CTBP2: variants seen among roughly 807,000 people sequenced by gnomAD.
CTBP2 encodes the protein C-terminal-binding protein 2.
A neutral mutation model predicts 80.3 loss-of-function variants in CTBP2; 30 were observed. That is an observed-to-expected ratio of 0.37 (90% confidence interval 0.28 to 0.51). The LOEUF is 0.51. Ranked by LOEUF, CTBP2 falls within the 20% of genes least tolerant of loss-of-function variation. The pLI is 0.93. For synonymous variants in CTBP2, 594 were observed against 587.4 expected (o/e 1.01, Z -0.16); for missense variants, 1,212 against 1,375.3 (o/e 0.88, Z 1.88).
chr10:125,027,489 A>T lies in CTBP2; in HGVS notation c.271T>A (p.Phe91Ile), dbSNP rs1293564700. 1 of 1,614,044 alleles carries T rather than the reference A, an allele frequency of 6.2e-7. No homozygotes were observed. Among genetic ancestry groups the T allele is most frequent in the Non-Finnish European group, 8.5e-7 (1 of 1,180,040 alleles). Reference sequence around the variant, plus strand: ...ATCACTGCCTGTCTGCTGTCGTAGAAGGTGAAGTCAGGAGTAGACCCCTTT... The same window carrying T: ...ATCACTGCCTGTCTGCTGTCGTAGATGGTGAAGTCAGGAGTAGACCCCTTT... Residue 91 changes from phenylalanine to isoleucine, a missense_variant, in exon 1 of 9, where the codon TTC (phenylalanine) becomes ATC (isoleucine). Physicochemically the swap from Phe to Ile is conservative, Grantham distance 21. Coordinates refer to ENST00000309035, the MANE Select transcript of CTBP2 (RefSeq NM_022802.3).
intron 1 of CTBP2, among the ~76,000 whole-genome samples, chr10:125,155,936 T>TA (rs1364053677): frequency 6.6e-6 from 1 of 151,976 alleles, no homozygotes; most frequent in African/African-American, 2.4e-5. Context: ...ATGTGCCCAC[T>TA]AAAAGTTTTC....
rs763405538 is a variant in CTBP2, at chr10:124,998,150, G to C, written c.1999C>G (p.Pro667Ala). 1 of 1,608,842 alleles carries C rather than the reference G, an allele frequency of 6.2e-7. No homozygotes were observed. Among genetic ancestry groups the C allele is most frequent in the South Asian group, 1.1e-5 (1 of 89,978 alleles). ...GCTGTCTCTTCCACGGCTGCAGACG[G>C]GATGTTGCACACGGCAATTCCTGAA... The change falls in exon 4 of 9, where the codon CCG becomes GCG. Residue 667 changes from proline to alanine, a missense_variant. Coordinates refer to ENST00000309035, the MANE Select transcript of CTBP2 (RefSeq NM_022802.3).
At chr10:125,089,643 G>A (rs967338047) in intron 2 of CTBP2, among the ~76,000 whole-genome samples, 8 of 152,196 alleles carry the variant, frequency 5.3e-5, no homozygotes, top group Admixed American at 1.3e-4. Context: ...ATGTGCAGGC[G>A]AGAGCAGCTG....
chr10:125,034,099 C>T (rs1958571273), intron 3 of CTBP2, among the ~76,000 whole-genome samples: 1 of 152,214 alleles, frequency 6.6e-6, no homozygotes, highest in Non-Finnish European at 1.5e-5. Context: ...ATCCGCCCAT[C>T]ACCAAACTGA....
intron 2 of CTBP2, among the ~76,000 whole-genome samples, chr10:125,065,297 T>A (rs1486311577): frequency 6.6e-6 from 1 of 152,092 alleles, no homozygotes; most frequent in Non-Finnish European, 1.5e-5. Flanking sequence ...AACAAGAGCC[T>A]TGTTCTCTTT....
At chr10:125,087,900 T>C (rs1442636533) in intron 2 of CTBP2, among the ~76,000 whole-genome samples, 3 of 152,192 alleles carry the variant, frequency 2.0e-5, no homozygotes, top group African/African-American at 4.8e-5. Flanking sequence ...CTGGAACCGG[T>C]TGCCTCCCCA....
intron 1 of CTBP2, among the ~76,000 whole-genome samples, chr10:125,114,721 T>C (rs1416362806): frequency 1.3e-5 from 2 of 152,136 alleles, no homozygotes; most frequent in African/African-American, 4.8e-5. Flanking sequence ...GGACTGGGCC[T>C]GCCTTCACTT....
At chr10:125,093,151 C>G (rs1337625257) in intron 2 of CTBP2, among the ~76,000 whole-genome samples, 1 of 152,208 alleles carries the variant, frequency 6.6e-6, no homozygotes, top group Non-Finnish European at 1.5e-5. Context: ...TCGTCAGATC[C>G]ATCCTGCGTG....
At chr10:125,152,435 GT>G (rs1860156960) in intron 1 of CTBP2, among the ~76,000 whole-genome samples, 1 of 152,240 alleles carries the variant, frequency 6.6e-6, no homozygotes, top group Non-Finnish European at 1.5e-5. Context: ...GATCGCAGGG[GT>G]TCCAGGCGCC....
intron 3 of CTBP2, chr10:125,001,636 ACT>A (rs1362467542): frequency 2.0e-5 from 3 of 151,056 alleles, no homozygotes; most frequent in African/African-American, 7.3e-5. Flanking sequence ...AATCTGAGTG[ACT>A]CTCTCTCCTT....
At chr10:125,104,203 A>T (rs75968465) in intron 2 of CTBP2, among the ~76,000 whole-genome samples, 4,954 of 152,242 alleles carry the variant, frequency 0.033, 112 homozygotes, top group Middle Eastern at 0.092. Context: ...CGGCCTGGAG[A>T]AAGGACGGAA....
intron 1 of CTBP2, chr10:125,159,958 CTTT>C (rs537040538): frequency 1.3e-4 from 18 of 137,032 alleles, no homozygotes; most frequent in South Asian, 6.1e-4. Context: ...CTCGGGGTTT[CTTT>C]TTTTTTTTTT....
chr10:125,135,641 C>G (rs374872373), intron 1 of CTBP2, among the ~76,000 whole-genome samples: 15 of 152,326 alleles, frequency 9.8e-5, no homozygotes, highest in African/African-American at 3.6e-4. Context: ...CATCCCCACG[C>G]ACACAGGCAC....
In CTBP2 at chr10:124,989,103, A is replaced by G. The variant is rs931685598; in HGVS notation, c.*415T>C. The G allele has an allele frequency of 2.5e-5, 6 of 236,288 alleles. No individual in the cohort carries two copies. The highest frequency in any genetic ancestry group is 2.5e-5 in the Non-Finnish European group (3 of 119,016). The allele number at this position is 236,288 out of a possible 1,614,324, so 14.6% of individuals were successfully genotyped here. A position where few individuals can be genotyped will look rare whatever the true frequency, so the allele number is the denominator to read the frequency against. On this transcript the variant is annotated 3_prime_UTR_variant, in exon 9 of 9. Coordinates refer to ENST00000309035, the MANE Select transcript of CTBP2 (RefSeq NM_022802.3). The stretch of plus-strand genomic sequence containing the variant: ...AAAAAGAGGTCACCAGCCCCTGTAG[A>G]CTTAAGGGACTCAAGTCACAGGATG...
rs201342709 is a variant in CTBP2, at chr10:125,005,537, G to A, written c.1679-2045C>T. The stretch of plus-strand genomic sequence containing the variant: ...GGCAGGGACGAGGGCCAACACCCCC[G>A]TGTCCTCACCAGCCCACGACCTGTA... On this transcript the variant is annotated intron_variant, in intron 1 of 8. Transcript: ENST00000309035. 1,494 of 1,605,146 alleles carry A rather than the reference G, an allele frequency of 9.3e-4. No homozygotes were observed. The highest frequency in any genetic ancestry group is 1.2e-3 in the Non-Finnish European group (1,364 of 1,175,530).
At chr10:125,126,451 T>C (rs1855266475) in intron 1 of CTBP2, among the ~76,000 whole-genome samples, 1 of 152,220 alleles carries the variant, frequency 6.6e-6, no homozygotes, top group Non-Finnish European at 1.5e-5. Flanking sequence ...TCCTAGCGTA[T>C]GGATAGGAAG....
At chr10:125,057,548 G>C (rs763345831) in intron 2 of CTBP2, among the ~76,000 whole-genome samples, 1 of 152,186 alleles carries the variant, frequency 6.6e-6, no homozygotes, top group Non-Finnish European at 1.5e-5. Context: ...TGACGTTTTT[G>C]CTGTGAGTGC....
chr10:125,013,536 G>GTT (rs2134439632), intron 1 of CTBP2, among the ~76,000 whole-genome samples: 1 of 152,304 alleles, frequency 6.6e-6, no homozygotes, highest in East Asian at 1.9e-4. Flanking sequence ...ACAAAGGGAT[G>GTT]GTAAACAGTT....
At chr10:125,064,531 T>C (rs1327465736) in intron 2 of CTBP2, among the ~76,000 whole-genome samples, 2 of 152,168 alleles carry the variant, frequency 1.3e-5, no homozygotes, top group Non-Finnish European at 2.9e-5. Context: ...ACTCTAAGAA[T>C]TTCAGGTACA....
Sources: allele counts gnomAD v4.1 joint callset (sites outside exome capture counted in the v4.1 genomes callset), GRCh38; gene constraint gnomAD v4.1.1; transcripts MANE v1.5; gene names NCBI Gene and HGNC (gene_info 2026-07-23, HGNC 2026-07-21).